The following CCDC191 variants were observed in gnomAD, a reference collection of about 807,000 sequenced individuals.
CCDC191 encodes the protein coiled-coil domain-containing protein 191.
CCDC191 carries 99 observed loss-of-function variants against 114.0 expected under a neutral mutation model. The ratio of observed to expected loss-of-function variants is 0.87; its 90% CI spans 0.74 to 1.03. CCDC191 has a LOEUF of 1.03. CCDC191 is among the 50% of genes least tolerant of loss of function. The probability of loss-of-function intolerance (pLI) is 0.00; values close to 1 mark genes in which losing one functional copy is unlikely to be tolerated. For missense variants in CCDC191, 973 were observed against 1,087.0 expected, an observed-to-expected ratio of 0.90 and a Z score of 1.47; for synonymous variants, 351 against 376.0, an observed-to-expected ratio of 0.93 and a Z score of 0.77.
At chr3:113,988,041 C>G (rs997551840) in intron 13 of CCDC191, among the ~76,000 whole-genome samples, 2 of 147,758 alleles carry the variant, frequency 1.4e-5, no homozygotes, top group Admixed American at 6.7e-5. Context: ...GACTCCATCT[C>G]AATATATATA....
In CCDC191 at chr3:114,035,029, C is replaced by T; in HGVS notation, c.714G>A (p.Lys238=). The T allele has an allele frequency of 5.0e-6, 8 of 1,614,092 alleles. No individual in the cohort carries two copies. In the South Asian group the frequency reaches 8.8e-5, roughly 18 times the overall value. ...CTTCCTCTTTCTTGGCCTCCAGAGC[C>T]TTCCTTTTCTTCTCTTCTTGCACCA... ...QCLVQEEKKR[K]ALEAKKEEEE... The change falls in exon 6 of 17, where the codon AAG becomes AAA. Residue 238 remains lysine (K), a synonymous_variant. Transcript: ENST00000295878.
chr3:114,012,155 C>T (rs566474280), intron 8 of CCDC191, among the ~76,000 whole-genome samples: 11 of 152,174 alleles, frequency 7.2e-5, no homozygotes, highest in African/African-American at 2.4e-4. Flanking sequence ...AATGTTTATA[C>T]GACTTTTAAA....
intron 11 of CCDC191, chr3:114,004,196 G>A: frequency 1.0e-6 from 1 of 969,496 alleles, no homozygotes; most frequent in East Asian, 1.1e-4. Context: ...CTATCAACAA[G>A]TTATAATATT....
rs1358529717 is a variant in CCDC191, at chr3:114,018,802, C to T, written c.1039G>A (p.Ala347Thr). The T allele has an allele frequency of 1.2e-6, 2 of 1,613,808 alleles. No individual in the cohort carries two copies. Among genetic ancestry groups the T allele is most frequent in the Non-Finnish European group, 1.7e-6 (2 of 1,179,874 alleles). ...ILDHRIKLGK[A>T]GTLSDWKIQL... ...ATCTTCCAGTCAGACAGGGTCCCAG[C>T]TTTCCCCAGCTTAATCCTATGATCA... Residue 347 changes from alanine (A) to threonine (T), a missense_variant, in exon 8 of 17, where the codon GCT becomes ACT. By Grantham distance (58) the Ala-to-Thr change is moderately conservative. Transcript: ENST00000295878.
chr3:114,005,598 G>A lies in CCDC191; in HGVS notation c.1778C>T (p.Ala593Val). The A allele has an allele frequency of 6.2e-7, 1 of 1,614,136 alleles. No individual in the cohort carries two copies. Among genetic ancestry groups the A allele is most frequent in the Non-Finnish European group, 8.5e-7 (1 of 1,180,002 alleles). The change falls in exon 10 of 17, where the codon GCA (alanine) becomes GTA (valine). Residue 593 changes from alanine (A) to valine (V), a missense_variant. Physicochemically the swap from Ala to Val is moderately conservative, Grantham distance 64. Transcript: ENST00000295878. ...TTCTGTGACTGCTAAGGCATGCTCTGCTGCCCACTGAGCCTCTGCCAGCTG... is the reference window on the plus strand; with the variant it reads ...TTCTGTGACTGCTAAGGCATGCTCTACTGCCCACTGAGCCTCTGCCAGCTG... ...NLQLAEAQWAAEHALAVTEAQ... is the reference protein window; with the variant it reads ...NLQLAEAQWAVEHALAVTEAQ...
At chr3:114,038,550 C>T (rs1452688402) in intron 4 of CCDC191, among the ~76,000 whole-genome samples, 6 of 152,144 alleles carry the variant, frequency 3.9e-5, no homozygotes, top group Admixed American at 3.9e-4. Context: ...CATGTCTTTG[C>T]TATTGTGAAG....
chr3:114,028,308 C>T (rs1415563944), intron 7 of CCDC191, among the ~76,000 whole-genome samples: 19 of 129,670 alleles, frequency 1.5e-4, no homozygotes, highest in African/African-American at 5.0e-4. Flanking sequence ...TTTATCGAGA[C>T]GGAGTCTCGC....
intron 11 of CCDC191, chr3:114,002,762 TA>T: frequency 1.1e-6 from 1 of 926,354 alleles, no homozygotes; most frequent in Non-Finnish European, 1.3e-6. Context: ...GAACAATTTA[TA>T]AATTAATTAT....
At chr3:114,014,027 G>A (rs1006338811) in intron 8 of CCDC191, among the ~76,000 whole-genome samples, 1 of 152,156 alleles carries the variant, frequency 6.6e-6, no homozygotes, top group Admixed American at 6.5e-5. Context: ...AATACCCACT[G>A]TCTTAGGACA....
At chr3:114,003,451 T>C (rs947802467) in intron 11 of CCDC191, 29 of 985,274 alleles carry the variant, frequency 2.9e-5, no homozygotes, top group Non-Finnish European at 3.5e-5. Context: ...ATGGCGAGAG[T>C]GAAATTGTCT....
At chr3:114,025,734 CCTT>C (rs1183352525) in intron 7 of CCDC191, among the ~76,000 whole-genome samples, 1 of 152,120 alleles carries the variant, frequency 6.6e-6, no homozygotes, top group African/African-American at 2.4e-5. Context: ...CTCCCTATCA[CCTT>C]CTCTTTGCCT....
rs1939962686 is a variant in CCDC191 at position 113,964,953 on chromosome 3, C to T, written c.*202G>A. On this transcript the variant is annotated 3_prime_UTR_variant, in exon 17 of 17. Transcript: ENST00000295878. Reference sequence around the variant, plus strand: ...TAGAATGTTCCTTTGGATGATCCCACTGTGATAAATGCTATAGTGAATGAC... The same window carrying T: ...TAGAATGTTCCTTTGGATGATCCCATTGTGATAAATGCTATAGTGAATGAC... 2.6e-6 allele frequency: 1 copy of T among 391,146 alleles called. No homozygotes were observed. Among genetic ancestry groups the T allele is most frequent in the Non-Finnish European group, 4.5e-6 (1 of 221,498 alleles). The allele number at this position is 391,146 out of a possible 1,614,324, so 24.2% of individuals were successfully genotyped here.
chr3:113,993,143 C>T (rs939980148), intron 13 of CCDC191, among the ~76,000 whole-genome samples: 1 of 152,084 alleles, frequency 6.6e-6, no homozygotes. Context: ...GGCTGGGTCA[C>T]CCCTGTGACC....
intron 7 of CCDC191, among the ~76,000 whole-genome samples, chr3:114,020,525 G>C (rs1221714296): frequency 6.6e-6 from 1 of 152,124 alleles, no homozygotes; most frequent in Non-Finnish European, 1.5e-5. Flanking sequence ...GGGAGGAAGG[G>C]AGAGAGGAAG....
intron 6 of CCDC191, among the ~76,000 whole-genome samples, chr3:114,033,107 T>C (rs2076431711): frequency 6.6e-6 from 1 of 151,770 alleles, no homozygotes; most frequent in Non-Finnish European, 1.5e-5. Flanking sequence ...TTTTATTTTC[T>C]GTTTGCGATG....
intron 7 of CCDC191, among the ~76,000 whole-genome samples, chr3:114,031,151 C>CATTA (rs2076398741): frequency 6.6e-6 from 1 of 151,884 alleles, no homozygotes; most frequent in Non-Finnish European, 1.5e-5. Context: ...AAATATAGAC[C>CATTA]ATTAAAAAGA....
At chr3:113,975,126 C>T (rs1309398917) in intron 16 of CCDC191, among the ~76,000 whole-genome samples, 1 of 151,572 alleles carries the variant, frequency 6.6e-6, no homozygotes, top group Non-Finnish European at 1.5e-5. Context: ...TTCATTACTA[C>T]CTACTTCATG....
rs2076446086 is a variant in CCDC191, at chr3:114,034,068, TC to T, written c.818+856del. Among the ~76,000 whole-genome samples, 5 of 152,276 alleles carry T rather than the reference TC, an allele frequency of 3.3e-5. No homozygotes were observed. The South Asian group carries it at 1.0e-3, about 32-fold the overall frequency. ...GTTATTTCACTTATGAAGCTCATTT[TC>T]TGCATGAGGATGGATAATAGTACTA... On this transcript the variant is annotated intron_variant, in intron 6 of 16. Transcript: ENST00000295878.
At chr3:113,983,211 A>C (rs986758776) in intron 13 of CCDC191, among the ~76,000 whole-genome samples, 1 of 152,092 alleles carries the variant, frequency 6.6e-6, no homozygotes, top group Non-Finnish European at 1.5e-5. Context: ...TGGTGTTTTG[A>C]TTCTAAACTC....
Sources: gnomAD v4.1 joint callset for allele counts (sites outside exome capture counted in the v4.1 genomes callset) on GRCh38, gnomAD v4.1.1 for gene constraint, MANE v1.5 for transcripts, NCBI Gene and HGNC (gene_info 2026-07-23, HGNC 2026-07-21) for gene names.